The following NELL1 variants were observed in gnomAD, a reference collection of about 807,000 sequenced individuals.
The protein encoded by NELL1 is protein kinase C-binding protein NELL1.
In NELL1, 76 loss-of-function variants were observed where a neutral mutation model predicts 107.4. The ratio of observed to expected loss-of-function variants is 0.71; its 90% CI spans 0.59 to 0.86. NELL1 has a LOEUF of 0.86. NELL1 is among the 40% of genes least tolerant of loss of function. The pLI is 0.00. For missense variants in NELL1, 1,024 were observed against 1,005.5 expected (o/e 1.02, Z -0.25); for synonymous variants, 353 against 341.2 (o/e 1.03, Z -0.38).
At chr11:20,975,841 G>A (rs1210997370) in intron 12 of NELL1, among the ~76,000 whole-genome samples, 1 of 125,522 alleles carries the variant, frequency 8.0e-6, no homozygotes, top group African/African-American at 2.9e-5. Context: ...GTACATATGT[G>A]TATTATATAT....
intron 14 of NELL1, among the ~76,000 whole-genome samples, chr11:21,314,019 A>G (rs1382567187): frequency 1.8e-5 from 1 of 56,494 alleles, no homozygotes; most frequent in Non-Finnish European, 3.3e-5. Flanking sequence ...CGCGACCCCC[A>G]CTTGCTCCTG....
rs759307798 is a variant in NELL1, at chr11:20,847,716, A to G, written c.469A>G (p.Ser157Gly). 2.5e-6 allele frequency: 4 copies of G among 1,613,136 alleles called. No individual in the cohort carries two copies. Among genetic ancestry groups the G allele is most frequent in the South Asian group, 1.1e-5 (1 of 90,940 alleles). Reference protein sequence around the residue: ...GQWHKVALSVSASHLLLHVDC... With the variant: ...GQWHKVALSVGASHLLLHVDC... ...ATGGCACAAGGTTGCACTGTCAGTT[A>G]GCGCCTCTCATCTCCTGCTCCATGT... Residue 157 changes from serine (S) to glycine (G), a missense_variant, in exon 4 of 20, where the codon AGC becomes GGC. Ser to Gly is a moderately conservative substitution (Grantham distance 56). Transcript: ENST00000357134.
intron 5 of NELL1, among the ~76,000 whole-genome samples, chr11:20,916,636 A>G (rs1157646031): frequency 2.0e-5 from 3 of 152,056 alleles, no homozygotes; most frequent in East Asian, 3.9e-4. Context: ...TGGGGTAACC[A>G]GCTGTCCTGG....
intron 14 of NELL1, among the ~76,000 whole-genome samples, chr11:21,292,311 G>A (rs1471783440): frequency 6.6e-6 from 1 of 152,116 alleles, no homozygotes; most frequent in Non-Finnish European, 1.5e-5. Context: ...AAAATCATGA[G>A]TCAACTCCTA....
At chr11:21,278,538 A>G (rs180807410) in intron 14 of NELL1, among the ~76,000 whole-genome samples, 1 of 152,316 alleles carries the variant, frequency 6.6e-6, no homozygotes, top group East Asian at 1.9e-4. Context: ...AATGCCGGTT[A>G]TATTAGCAAC....
intron 12 of NELL1, among the ~76,000 whole-genome samples, chr11:20,970,052 T>TCC (rs1851464485): frequency 1.5e-5 from 2 of 137,744 alleles, no homozygotes; most frequent in East Asian, 2.0e-4. Context: ...TCTATCTCTC[T>TCC]GTCCATCCAT....
chr11:20,758,274 C>T lies in NELL1; in HGVS notation c.185-25406C>T, dbSNP rs1318426834. Among the ~76,000 whole-genome samples the T allele has an allele frequency of 2.6e-5, 4 of 152,238 alleles. No homozygotes were observed. In the East Asian group the frequency reaches 7.7e-4, roughly 29 times the overall value. On this transcript the variant is annotated intron_variant, in intron 2 of 19. Coordinates refer to ENST00000357134, the MANE Select transcript of NELL1 (RefSeq NM_006157.5). The stretch of plus-strand genomic sequence containing the variant: ...CTCCAGGTCATACTCTAAGCTGTGG[C>T]AGGCATTGTCCTCCCACGAGACCCA...
At chr11:21,389,462 T>C (rs1851818540) in intron 15 of NELL1, among the ~76,000 whole-genome samples, 1 of 151,918 alleles carries the variant, frequency 6.6e-6, no homozygotes, top group Admixed American at 6.6e-5. Flanking sequence ...CACATTCTGC[T>C]CTCCCTTCCT....
chr11:21,545,234 T>C (rs2133983124), intron 16 of NELL1, among the ~76,000 whole-genome samples: 1 of 141,498 alleles, frequency 7.1e-6, no homozygotes, highest in South Asian at 2.3e-4. Flanking sequence ...ATTTACGAGG[T>C]TGCTCTCCTT....
chr11:20,726,948 A>G, intron 2 of NELL1, among the ~76,000 whole-genome samples: 1 of 152,186 alleles, frequency 6.6e-6, no homozygotes, highest in Admixed American at 6.5e-5. Context: ...ATGGCTGCAT[A>G]GTATTCCATG....
intron 16 of NELL1, among the ~76,000 whole-genome samples, chr11:21,557,691 G>C (rs4365047): frequency 2.0e-5 from 3 of 151,932 alleles, no homozygotes; most frequent in Non-Finnish European, 4.4e-5. Flanking sequence ...CTTTAAATTA[G>C]ACCCAAGGGC....
Position 21,387,323 on chromosome 11 carries a change from A to T in NELL1, c.1645+16375A>T, listed in dbSNP as rs373884405. On this transcript the variant is annotated intron_variant, in intron 15 of 19. Transcript: ENST00000357134. ...ACTTTTCACCATTAAAGACACTAAA[A>T]GTATCACTAATCTATCTTGTGTATT... Among the ~76,000 whole-genome samples the T allele has an allele frequency of 1.8e-3, 270 of 151,944 alleles. 9 individuals are homozygous for T. In the South Asian group the frequency reaches 0.053, roughly 30 times the overall value.
chr11:21,175,701 A>G lies in NELL1; in HGVS notation c.1427-53631A>G, dbSNP rs141967876. On this transcript the variant is annotated intron_variant, in intron 13 of 19. Transcript: ENST00000357134. ...GGCAGCTCCGATGCTACAGTATAGA[A>G]GAAGCTTCAGATCATCATGACAATG... Among the ~76,000 whole-genome samples the G allele has an allele frequency of 1.9e-3, 291 of 152,016 alleles. 5 individuals carry two copies. Among genetic ancestry groups the G allele is most frequent in the African/African-American group, 6.5e-3 (268 of 41,302 alleles).
intron 14 of NELL1, among the ~76,000 whole-genome samples, chr11:21,323,819 C>T (rs975605653): frequency 2.0e-5 from 3 of 152,096 alleles, no homozygotes; most frequent in Non-Finnish European, 4.4e-5. Flanking sequence ...AAGATAAAGA[C>T]TCTATCTGCC....
chr11:21,393,921 G>T (rs562749393), intron 15 of NELL1, among the ~76,000 whole-genome samples: 1 of 151,722 alleles, frequency 6.6e-6, no homozygotes, highest in South Asian at 2.1e-4. Flanking sequence ...TCAGGTCTGG[G>T]TATTGGAAGA....
intron 15 of NELL1, among the ~76,000 whole-genome samples, chr11:21,470,876 A>G (rs1209446893): frequency 1.3e-5 from 2 of 152,130 alleles, no homozygotes; most frequent in Non-Finnish European, 2.9e-5. Flanking sequence ...TCTGAGAATC[A>G]ATTTTCTCAT....
intron 15 of NELL1, among the ~76,000 whole-genome samples, chr11:21,380,650 T>C (rs567009104): frequency 6.6e-6 from 1 of 152,188 alleles, no homozygotes; most frequent in Admixed American, 6.6e-5. Flanking sequence ...CACTTGAAGC[T>C]ATTTCACAAC....
intron 12 of NELL1, among the ~76,000 whole-genome samples, chr11:21,047,467 A>G (rs1463002554): frequency 6.6e-6 from 1 of 152,202 alleles, no homozygotes; most frequent in Admixed American, 6.5e-5. Flanking sequence ...GATGTCATGT[A>G]ATATGCTAAT....
chr11:20,724,168 A>T (rs991612092), intron 2 of NELL1, among the ~76,000 whole-genome samples: 3 of 152,218 alleles, frequency 2.0e-5, no homozygotes, highest in Admixed American at 6.5e-5. Context: ...GGTTGCCTTG[A>T]AGATCTCTGC....
Sources: gnomAD v4.1 joint callset for allele counts (sites outside exome capture counted in the v4.1 genomes callset) on GRCh38, gnomAD v4.1.1 for gene constraint, MANE v1.5 for transcripts, NCBI Gene and HGNC (gene_info 2026-07-23, HGNC 2026-07-21) for gene names.